MTUS1: variants seen among roughly 807,000 people sequenced by gnomAD.
MTUS1 encodes microtubule associated scaffold protein 1, also known as microtubule-associated tumor suppressor 1.
A neutral mutation model predicts 120.8 loss-of-function variants in MTUS1; 109 were observed. The ratio of observed to expected loss-of-function variants is 0.90; its 90% CI spans 0.77 to 1.06. MTUS1 has a LOEUF of 1.06. MTUS1 is among the 50% of genes least tolerant of loss of function. The pLI is 0.00. For missense variants in MTUS1, 2,210 were observed against 1,486.3 expected (o/e 1.49, Z -8.01); for synonymous variants, 737 against 550.5 (o/e 1.34, Z -4.74).
rs1805669669 is a variant in MTUS1, at chr8:17,645,898, C to G, written c.*28G>C. On this transcript the variant is annotated 3_prime_UTR_variant, in exon 15 of 15. Coordinates refer to ENST00000693296, the MANE Select transcript of MTUS1 (RefSeq NM_001363059.2). ...CTGCAGACCTGCATCAAAATGCTTT[C>G]AGAGAGTCTGTGGACTTTGGGGAGG... 1 of 1,598,096 alleles carries G rather than the reference C, an allele frequency of 6.3e-7. No homozygotes were observed. The highest frequency in any genetic ancestry group is 1.3e-5 in the African/African-American group (1 of 74,784).
In MTUS1 at chr8:17,649,939, T is replaced by C. The variant is rs777478150; in HGVS notation, c.3408A>G (p.Leu1136=). The C allele has an allele frequency of 6.2e-7, 1 of 1,605,802 alleles. No homozygotes were observed. The highest frequency in any genetic ancestry group is 1.1e-5 in the South Asian group (1 of 90,922). ...CTTTCAGGCTTTCTAACTCCTGTTC[T>C]AGATACATGATCTGAGGATTTTTCT... is the stretch of plus-strand genomic sequence containing the variant. ...ANLKNPQIMY[L]EQELESLKAV... Residue 1136 remains leucine (L), a synonymous_variant, in exon 13 of 15, where the codon CTA becomes CTG. Transcript: ENST00000693296.
intron 8 of MTUS1, among the ~76,000 whole-genome samples, chr8:17,658,375 C>T (rs1489393170): frequency 6.6e-6 from 1 of 152,086 alleles, no homozygotes; most frequent in Non-Finnish European, 1.5e-5. Context: ...CTACAACTAC[C>T]AAAAATAGAA....
rs189966337 is a variant in MTUS1 at position 17,663,753 on chromosome 8, A to G, written c.2906-7688T>C. 7.2e-3 allele frequency among the ~76,000 whole-genome samples: 1,087 copies of G among 151,956 alleles called. 3 individuals carry two copies. Among genetic ancestry groups the G allele is most frequent in the Non-Finnish European group, 0.011 (762 of 67,952 alleles). ...TGGGATTACAGGCATGCACCACCAT[A>G]CCCGGCTAATTTTTGTATTTTTAGT... On this transcript the variant is annotated intron_variant, in intron 8 of 14. Transcript: ENST00000693296.
intron 1 of MTUS1, among the ~76,000 whole-genome samples, chr8:17,780,417 G>C (rs1386819098): frequency 6.6e-6 from 1 of 152,148 alleles, no homozygotes; most frequent in African/African-American, 2.4e-5. Context: ...AGAACAGTCT[G>C]ATACAATCTC....
intron 1 of MTUS1, among the ~76,000 whole-genome samples, chr8:17,773,825 C>T (rs1285300851): frequency 6.6e-6 from 1 of 152,036 alleles, no homozygotes; most frequent in African/African-American, 2.4e-5. Flanking sequence ...TGACATGTCC[C>T]TCATCACTCC....
intron 11 of MTUS1, 22 bp from the exon 12 acceptor site, chr8:17,653,303 A>C (rs372433037): frequency 4.6e-5 from 70 of 1,511,478 alleles, no homozygotes; most frequent in Non-Finnish European, 6.2e-5. Context: ...TGAAATGTGG[A>C]ACTTAAGTTA....
intron 1 of MTUS1, among the ~76,000 whole-genome samples, chr8:17,789,900 CTG>C (rs1478721512): frequency 6.6e-6 from 1 of 152,110 alleles, no homozygotes; most frequent in Non-Finnish European, 1.5e-5. Context: ...TCAGCTGAAA[CTG>C]TGGTTTTGTG....
At chr8:17,789,003 T>C (rs1049812347) in intron 1 of MTUS1, among the ~76,000 whole-genome samples, 5 of 151,980 alleles carry the variant, frequency 3.3e-5, no homozygotes, top group African/African-American at 7.2e-5. Flanking sequence ...AAAGAAATGA[T>C]TTGATGTACA....
In MTUS1 at chr8:17,645,122, A is replaced by T. The variant is rs1053859261; in HGVS notation, c.*804T>A. The T allele has an allele frequency of 6.6e-6, 1 of 152,626 alleles. No homozygotes were observed. Among genetic ancestry groups the T allele is most frequent in the African/African-American group, 2.4e-5 (1 of 41,454 alleles). The allele number at this position is 152,626 out of a possible 1,614,324, so 9.5% of individuals were successfully genotyped here. ...TTCTACATTTACACATAGCCTGAGA[A>T]AATGAATTACAGGATAGTGTTAGGC... On this transcript the variant is annotated 3_prime_UTR_variant, in exon 15 of 15. Transcript: ENST00000693296.
chr8:17,788,966 C>T (rs2051536027), intron 1 of MTUS1, among the ~76,000 whole-genome samples: 1 of 151,828 alleles, frequency 6.6e-6, no homozygotes, highest in African/African-American at 2.4e-5. Context: ...TTATCAAAGG[C>T]ACTCTCAAAG....
At chr8:17,699,652 A>G (rs420023) in intron 6 of MTUS1, among the ~76,000 whole-genome samples, 28,353 of 152,258 alleles carry the variant, frequency 0.19, 2,784 homozygotes, top group East Asian at 0.3. Flanking sequence ...GAAAATAAAC[A>G]TTGTTAATGA....
chr8:17,743,538 T>C, intron 3 of MTUS1, 66 bp downstream of exon 3: 1 of 1,471,158 alleles, frequency 6.8e-7, no homozygotes, highest in South Asian at 1.3e-5. Flanking sequence ...GCATTAGACC[T>C]ATAATCATGA....
At chr8:17,756,059 T>G in intron 1 of MTUS1, 98 bp from the exon 2 acceptor site, 1 of 618,638 alleles carries the variant, frequency 1.6e-6, no homozygotes, top group Non-Finnish European at 2.4e-6. Context: ...AATCACTTTA[T>G]GTTCACATTT....
chr8:17,667,201 G>T (rs1354661446), intron 8 of MTUS1, among the ~76,000 whole-genome samples: 2 of 152,282 alleles, frequency 1.3e-5, no homozygotes, highest in East Asian at 3.9e-4. Context: ...GGCAGATGTG[G>T]ATAGGAAGAG....
intron 3 of MTUS1, chr8:17,724,212 A>T (rs1265071425): frequency 1.1e-5 from 3 of 282,042 alleles, no homozygotes; most frequent in South Asian, 6.4e-5. Context: ...ACTGGTGACT[A>T]AAAAAAAAAT....
chr8:17,735,556 C>G (rs781331488), intron 3 of MTUS1, among the ~76,000 whole-genome samples: 1 of 152,244 alleles, frequency 6.6e-6, no homozygotes, highest in South Asian at 2.1e-4. Flanking sequence ...TCCCCAAGCA[C>G]ATGGTATCCT....
At chr8:17,757,365 G>T (rs1382055692) in intron 1 of MTUS1, among the ~76,000 whole-genome samples, 2 of 152,098 alleles carry the variant, frequency 1.3e-5, no homozygotes, top group Non-Finnish European at 2.9e-5. Flanking sequence ...ACCTAAAGTG[G>T]CTGCTAATTG....
chr8:17,734,565 T>C (rs74885803), intron 3 of MTUS1, among the ~76,000 whole-genome samples: 2,068 of 152,270 alleles, frequency 0.014, 44 homozygotes, highest in African/African-American at 0.047. Flanking sequence ...GTTCACAAGA[T>C]GTCTGTGGCT....
rs367645347 is a variant in MTUS1 at position 17,684,530 on chromosome 8, C to T, written c.2636G>A (p.Arg879Lys). Reference protein sequence around the residue: ...FTALNAVEKSRQKNPRSLCIQ... With the variant: ...FTALNAVEKSKQKNPRSLCIQ... ...ACATAAGCTTCGAGGATTCTTTTGC[C>T]TGCTCTTTTCAACTGCAAAACGAAT... is the stretch of plus-strand genomic sequence containing the variant. The change falls in exon 7 of 15, where the codon AGG becomes AAG. Residue 879 changes from arginine (R) to lysine (K), a missense_variant. Physicochemically the swap from Arg to Lys is conservative, Grantham distance 26. Transcript: ENST00000693296. 31 of 1,613,584 alleles carry T rather than the reference C, an allele frequency of 1.9e-5. No homozygotes were observed. In the African/African-American group the frequency reaches 3.7e-4, roughly 19 times the overall value.
Sources: allele counts gnomAD v4.1 joint callset (sites outside exome capture counted in the v4.1 genomes callset), GRCh38; gene constraint gnomAD v4.1.1; transcripts MANE v1.5; gene names NCBI Gene and HGNC (gene_info 2026-07-23, HGNC 2026-07-21).